The following ORC4 variants were observed in gnomAD, a reference collection of about 807,000 sequenced individuals.
ORC4 encodes the protein origin recognition complex subunit 4.
ORC4 carries 55 observed loss-of-function variants against 63.9 expected under a neutral mutation model. The observed-to-expected ratio is 0.86, with a 90% confidence interval of 0.69 to 1.08. The LOEUF (loss-of-function observed/expected upper bound fraction) is 1.08. ORC4 is among the 50% of genes least tolerant of loss of function. The pLI, the probability that ORC4 is intolerant of heterozygous loss-of-function variation, is 0.00. For synonymous variants in ORC4, 150 were observed against 168.5 expected (o/e 0.89, Z 0.85); for missense variants, 511 against 504.4 (o/e 1.01, Z -0.13).
At chr2:147,988,549 G>A (rs773401429) in intron 1 of ORC4, among the ~76,000 whole-genome samples, 57 of 151,822 alleles carry the variant, frequency 3.8e-4, no homozygotes, top group Non-Finnish European at 6.0e-4. Flanking sequence ...GTAGAGATGG[G>A]GGTTTCACCA....
At chr2:147,994,393 C>T (rs932341055) in intron 1 of ORC4, among the ~76,000 whole-genome samples, 5 of 152,142 alleles carry the variant, frequency 3.3e-5, no homozygotes, top group African/African-American at 9.7e-5. Flanking sequence ...AGAACCAACA[C>T]GATACCGAAG....
At chr2:147,960,142 C>T (rs1007519748) in intron 4 of ORC4, 2 of 469,674 alleles carry the variant, frequency 4.3e-6, no homozygotes, top group African/African-American at 4.3e-5. Flanking sequence ...CATTTCAAAT[C>T]CTTTGCTAAA....
chr2:147,940,303 C>T (rs1457587272), intron 10 of ORC4, among the ~76,000 whole-genome samples: 4 of 152,048 alleles, frequency 2.6e-5, no homozygotes, highest in Non-Finnish European at 4.4e-5. Context: ...TACACTGCAT[C>T]ATATTTGTAG....
chr2:148,010,273 C>T (rs1692877292), intron 1 of ORC4, among the ~76,000 whole-genome samples: 1 of 151,710 alleles, frequency 6.6e-6, no homozygotes, highest in South Asian at 2.1e-4. Context: ...CCTAGTAATG[C>T]ATCTTAAAGA....
intron 4 of ORC4, among the ~76,000 whole-genome samples, chr2:147,967,874 C>T (rs1391372980): frequency 7.2e-5 from 11 of 151,980 alleles, no homozygotes; most frequent in African/African-American, 2.4e-4. Flanking sequence ...AGGCTGGAGT[C>T]AACATACTGC....
At chr2:147,993,070 C>T (rs1040266949) in intron 1 of ORC4, among the ~76,000 whole-genome samples, 3 of 152,166 alleles carry the variant, frequency 2.0e-5, no homozygotes, top group Non-Finnish European at 4.4e-5. Flanking sequence ...TACAGACAGG[C>T]AGGCCTTGCT....
At chr2:148,004,226 C>T (rs781645810) in intron 1 of ORC4, among the ~76,000 whole-genome samples, 1 of 152,120 alleles carries the variant, frequency 6.6e-6, no homozygotes, top group Non-Finnish European at 1.5e-5. Flanking sequence ...ATCAAGCTAC[C>T]ACTGACTTTC....
chr2:147,953,329 G>A (rs1400472022), intron 7 of ORC4, among the ~76,000 whole-genome samples: 1 of 152,082 alleles, frequency 6.6e-6, no homozygotes, highest in African/African-American at 2.4e-5. Flanking sequence ...GTGCAGTCTA[G>A]TTCCTAGACT....
chr2:147,952,326 AT>A, intron 8 of ORC4, 46 bp downstream of exon 8: 1 of 1,395,728 alleles, frequency 7.2e-7, no homozygotes, highest in Non-Finnish European at 9.9e-7. Flanking sequence ...TTAAGCTTGA[AT>A]TTTAAAATAT....
chr2:147,950,230 C>G (rs1428991582), intron 8 of ORC4, among the ~76,000 whole-genome samples: 3 of 152,078 alleles, frequency 2.0e-5, no homozygotes, highest in Non-Finnish European at 4.4e-5. Flanking sequence ...AAGTAATAAT[C>G]TATACAAGCA....
intron 9 of ORC4, 117 bp downstream of exon 9, chr2:147,947,934 A>G: frequency 4.9e-6 from 4 of 808,688 alleles, no homozygotes; most frequent in Non-Finnish European, 8.5e-6. Flanking sequence ...TTACTGCAGC[A>G]TTATCCTTCA....
Position 147,981,552 on chromosome 2 carries a change from G to T in ORC4, c.-17-5577C>A, listed in dbSNP as rs138734945. Among the ~76,000 whole-genome samples the T allele has an allele frequency of 7.9e-5, 12 of 152,294 alleles. No individual in the cohort carries two copies. In the East Asian group the frequency reaches 2.3e-3, roughly 29 times the overall value. ...CCTCTAACAGGGGAACTCATAGAATGAAAGCAGATTTTAAATTTTCTTACT... is the reference window on the plus strand; with the variant it reads ...CCTCTAACAGGGGAACTCATAGAATTAAAGCAGATTTTAAATTTTCTTACT... On this transcript the variant is annotated intron_variant, in intron 1 of 13. Transcript: ENST00000392857.
intron 10 of ORC4, among the ~76,000 whole-genome samples, chr2:147,939,624 T>C (rs1471406451): frequency 6.6e-6 from 1 of 152,140 alleles, no homozygotes; most frequent in Non-Finnish European, 1.5e-5. Context: ...GCCTTACTTG[T>C]TAACTTTTTC....
At chr2:147,969,053 T>C (rs1376291653) in intron 4 of ORC4, among the ~76,000 whole-genome samples, 1 of 151,840 alleles carries the variant, frequency 6.6e-6, no homozygotes, top group East Asian at 1.9e-4. Flanking sequence ...ACACCATGCG[T>C]TTTCACTCAT....
At chr2:147,955,286 A>G in intron 7 of ORC4, 61 bp downstream of exon 7, 1 of 1,173,150 alleles carries the variant, frequency 8.5e-7, no homozygotes, top group Non-Finnish European at 1.3e-6. Context: ...TACCTTTATA[A>G]TCAGGGAAAA....
At chr2:148,014,228 A>G (rs980993632) in intron 1 of ORC4, among the ~76,000 whole-genome samples, 9 of 152,202 alleles carry the variant, frequency 5.9e-5, no homozygotes, top group Admixed American at 6.5e-5. Flanking sequence ...ATAAAAGCAC[A>G]TTGCCTAACA....
In ORC4 at chr2:147,932,031, G is replaced by A. The variant is rs1558821789; in HGVS notation, c.*3479C>T. 1.3e-5 allele frequency: 2 copies of A among 152,028 alleles called. No individual in the cohort carries two copies. The highest frequency in any genetic ancestry group is 2.1e-4 in the South Asian group (1 of 4,816). The allele number at this position is 152,028 out of a possible 1,614,324, so 9.4% of individuals were successfully genotyped here. A position where few individuals can be genotyped will look rare whatever the true frequency, so the allele number is the denominator to read the frequency against. ...GAAGTCAAATTGTCCGTTTGCAGACGACATGATTGTATATCTAGAAAACCC... is the reference window on the plus strand; with the variant it reads ...GAAGTCAAATTGTCCGTTTGCAGACAACATGATTGTATATCTAGAAAACCC... On this transcript the variant is annotated 3_prime_UTR_variant, in exon 14 of 14. Transcript: ENST00000392857.
intron 10 of ORC4, among the ~76,000 whole-genome samples, chr2:147,941,174 T>C (rs1688342492): frequency 6.6e-6 from 1 of 152,152 alleles, no homozygotes; most frequent in African/African-American, 2.4e-5. Flanking sequence ...GTATCAATTC[T>C]GGTTTATTCA....
At chr2:147,979,742 C>T (rs1448754065) in intron 1 of ORC4, among the ~76,000 whole-genome samples, 1 of 151,952 alleles carries the variant, frequency 6.6e-6, no homozygotes, top group Non-Finnish European at 1.5e-5. Flanking sequence ...CATACAGACC[C>T]CAGAATACAG....
Sources: gnomAD v4.1 joint callset for allele counts (sites outside exome capture counted in the v4.1 genomes callset) on GRCh38, gnomAD v4.1.1 for gene constraint, MANE v1.5 for transcripts, NCBI Gene and HGNC (gene_info 2026-07-23, HGNC 2026-07-21) for gene names.